Variants in ARFIP1 observed in about 807,000 individuals in gnomAD.
The protein encoded by ARFIP1 is ARF interacting protein 1.
Under a neutral mutation model 42.5 loss-of-function variants are expected in ARFIP1, and 24 were observed. That is an observed-to-expected ratio of 0.57 (90% confidence interval 0.41 to 0.80). The LOEUF (loss-of-function observed/expected upper bound fraction) is 0.80, where lower values mean the gene tolerates loss of function less well. Ranked by LOEUF, ARFIP1 falls within the 30% of genes least tolerant of loss-of-function variation. The probability of loss-of-function intolerance (pLI) is 0.00; values close to 1 mark genes in which losing one functional copy is unlikely to be tolerated. For synonymous variants in ARFIP1, 141 were observed against 153.7 expected, an observed-to-expected ratio of 0.92 and a Z score of 0.61; for missense variants, 354 against 434.0, an observed-to-expected ratio of 0.82 and a Z score of 1.64.
At chr4:152,868,137 T>G (rs1734562255) in intron 3 of ARFIP1, among the ~76,000 whole-genome samples, 1 of 152,192 alleles carries the variant, frequency 6.6e-6, no homozygotes, top group Admixed American at 6.5e-5. Context: ...TAGAGCAAAT[T>G]AAAAAGTTAT....
intron 8 of ARFIP1, among the ~76,000 whole-genome samples, chr4:152,905,884 C>T (rs1233579990): frequency 1.3e-5 from 2 of 151,974 alleles, no homozygotes; most frequent in African/African-American, 2.4e-5. Flanking sequence ...GAATCAAGTT[C>T]TTTGATACCT....
intron 2 of ARFIP1, among the ~76,000 whole-genome samples, chr4:152,833,588 A>G (rs1731415775): frequency 6.6e-6 from 1 of 152,244 alleles, no homozygotes; most frequent in Non-Finnish European, 1.5e-5. Context: ...CATTATAAAC[A>G]ATAGCCAAAA....
chr4:152,811,826 G>T (rs1729489884), intron 1 of ARFIP1, among the ~76,000 whole-genome samples: 1 of 152,178 alleles, frequency 6.6e-6, no homozygotes, highest in South Asian at 2.1e-4. Context: ...GAGATAACAT[G>T]GAGCTTTTGG....
intron 2 of ARFIP1, among the ~76,000 whole-genome samples, chr4:152,857,707 C>T (rs1464044513): frequency 6.6e-6 from 1 of 152,196 alleles, no homozygotes; most frequent in African/African-American, 2.4e-5. Context: ...TCAGAGAGAC[C>T]TTCCCCAAAT....
rs1738875056 is a variant in ARFIP1, at chr4:152,911,838, A to C, written c.*1619A>C. ...TTCCAGCAGAATTACTACTTGTGAT[A>C]GTTCATTTACATTCCCCAGAATGTG... is the stretch of plus-strand genomic sequence containing the variant. On this transcript the variant is annotated 3_prime_UTR_variant, in exon 9 of 9. Coordinates refer to ENST00000353617, the MANE Select transcript of ARFIP1 (RefSeq NM_001025595.3). 1 of 152,608 alleles carries C rather than the reference A, an allele frequency of 6.6e-6. No homozygotes were observed. Among genetic ancestry groups the C allele is most frequent in the South Asian group, 2.1e-4 (1 of 4,832 alleles). The allele number at this position is 152,608 out of a possible 1,614,324, so 9.5% of individuals were successfully genotyped here. A position where few individuals can be genotyped will look rare whatever the true frequency, so the allele number is the denominator to read the frequency against.
chr4:152,792,364 T>G (rs1731190492), intron 1 of ARFIP1, among the ~76,000 whole-genome samples: 1 of 152,210 alleles, frequency 6.6e-6, no homozygotes, highest in Non-Finnish European at 1.5e-5. Context: ...CTTATGTGTG[T>G]TGTTTTATTC....
rs1239905242 is a variant in ARFIP1, at chr4:152,867,106, G to C, written c.202+3392G>C. 3.9e-5 allele frequency among the ~76,000 whole-genome samples: 6 copies of C among 152,260 alleles called. No homozygotes were observed. The South Asian group carries it at 8.3e-4, about 21-fold the overall frequency. On this transcript the variant is annotated intron_variant, in intron 3 of 8. Coordinates refer to ENST00000353617, the MANE Select transcript of ARFIP1 (RefSeq NM_001025595.3). Reference sequence around the variant, plus strand: ...TCCCAGACGGGGTGGCGGCCGGGCAGAGGCTGCAATCTCGGCACTTTGGGA... The same window carrying C: ...TCCCAGACGGGGTGGCGGCCGGGCACAGGCTGCAATCTCGGCACTTTGGGA...
chr4:152,856,478 T>C (rs1198621275), intron 2 of ARFIP1, among the ~76,000 whole-genome samples: 2 of 152,186 alleles, frequency 1.3e-5, no homozygotes, highest in African/African-American at 4.8e-5. Flanking sequence ...AAAAACAATA[T>C]AGTATAACAA....
At chr4:152,796,779 G>T in intron 1 of ARFIP1, 1 of 716,428 alleles carries the variant, frequency 1.4e-6, no homozygotes, top group Non-Finnish European at 2.6e-6. Context: ...TTCTCTCATG[G>T]TAATCCAAAT....
chr4:152,900,867 G>T, intron 8 of ARFIP1, among the ~76,000 whole-genome samples: 1 of 152,146 alleles, frequency 6.6e-6, no homozygotes, highest in East Asian at 1.9e-4. Flanking sequence ...CTTACAACCA[G>T]CTACTATCCC....
At chr4:152,825,290 C>T (rs7660615) in intron 1 of ARFIP1, among the ~76,000 whole-genome samples, 57,787 of 151,908 alleles carry the variant, frequency 0.38, 12,053 homozygotes, top group Admixed American at 0.49. Flanking sequence ...CACATTACCC[C>T]ACTTCAAACT....
intron 7 of ARFIP1, 40 bp downstream of exon 7, chr4:152,882,920 T>G: frequency 6.4e-7 from 1 of 1,560,728 alleles, no homozygotes; most frequent in South Asian, 1.2e-5. Flanking sequence ...GTTTTACAGA[T>G]GGCATATAAT....
chr4:152,832,442 A>T (rs185458926), intron 2 of ARFIP1, among the ~76,000 whole-genome samples: 1 of 151,896 alleles, frequency 6.6e-6, no homozygotes, highest in Middle Eastern at 3.2e-3. Context: ...CTTTTTTTCT[A>T]ATCTATTTGT....
chr4:152,822,258 A>G (rs774930693), intron 1 of ARFIP1, among the ~76,000 whole-genome samples: 3 of 148,744 alleles, frequency 2.0e-5, no homozygotes, highest in Admixed American at 1.3e-4. Context: ...AAGAGTAGCC[A>G]TTATATCAGA....
At chr4:152,870,614 A>G (rs951197870) in intron 3 of ARFIP1, 139 bp from the exon 4 acceptor site, 39 of 602,436 alleles carry the variant, frequency 6.5e-5, no homozygotes, top group Middle Eastern at 3.1e-4. Flanking sequence ...CTTCCCTGAA[A>G]GAAAACAAAT....
intron 2 of ARFIP1, among the ~76,000 whole-genome samples, chr4:152,857,348 TACTA>T (rs1357177164): frequency 5.3e-5 from 8 of 152,234 alleles, no homozygotes; most frequent in Non-Finnish European, 1.2e-4. Context: ...TTAGAAAACA[TACTA>T]ACTAAAATAA....
intron 8 of ARFIP1, among the ~76,000 whole-genome samples, chr4:152,902,222 C>A (rs1032075535): frequency 6.6e-6 from 1 of 152,152 alleles, no homozygotes; most frequent in Non-Finnish European, 1.5e-5. Context: ...CTGTACAAGG[C>A]CAAATGTAGT....
intron 1 of ARFIP1, among the ~76,000 whole-genome samples, chr4:152,817,514 G>T (rs1185218548): frequency 6.6e-6 from 1 of 152,108 alleles, no homozygotes; most frequent in Non-Finnish European, 1.5e-5. Context: ...AGTCTTAGGA[G>T]AAAACAGGAA....
chr4:152,857,165 T>C (rs1026572875), intron 2 of ARFIP1, among the ~76,000 whole-genome samples: 1 of 152,244 alleles, frequency 6.6e-6, no homozygotes, highest in African/African-American at 2.4e-5. Context: ...GGCGTTGTCC[T>C]GTGACAAGAG....
Sources: allele counts gnomAD v4.1 joint callset (sites outside exome capture counted in the v4.1 genomes callset), GRCh38; gene constraint gnomAD v4.1.1; transcripts MANE v1.5; gene names NCBI Gene and HGNC (gene_info 2026-07-23, HGNC 2026-07-21).